Variants in AZGP1 observed in about 807,000 individuals in gnomAD.
AZGP1 encodes the protein alpha-2-glycoprotein 1, zinc-binding.
A neutral mutation model predicts 31.5 loss-of-function variants in AZGP1; 28 were observed. The ratio of observed to expected loss-of-function variants is 0.89; its 90% CI spans 0.66 to 1.22. The LOEUF (loss-of-function observed/expected upper bound fraction) is 1.22, where lower values mean the gene tolerates loss of function less well. Ranked by LOEUF, AZGP1 falls within the 50% of genes most tolerant of loss-of-function variation. The pLI is 0.00. For synonymous variants in AZGP1, 135 were observed against 145.4 expected (o/e 0.93, Z 0.51); for missense variants, 361 against 371.8 (o/e 0.97, Z 0.24).
At position 99,971,715 on chromosome 7, in the gene AZGP1, C is replaced by G. The variant is rs371240012; in HGVS notation, c.337+31G>C. The G allele has an allele frequency of 4.4e-6, 7 of 1,602,222 alleles. No homozygotes were observed. In the African/African-American group the frequency reaches 9.4e-5, roughly 21 times the overall value. The stretch of plus-strand genomic sequence containing the variant: ...GGGGGGGCTGCCTCTTGGGTTAGAC[C>G]TTCCACCCCTGTGGTCTGTTATTCA... On this transcript the variant is annotated intron_variant, in intron 2 of 3. Coordinates refer to ENST00000292401, the MANE Select transcript of AZGP1 (RefSeq NM_001185.4).
chr7:99,966,877 T>TC lies in AZGP1; in HGVS notation c.*125dup, dbSNP rs1789487069. The TC allele has an allele frequency of 6.6e-6, 9 of 1,364,742 alleles. No individual in the cohort carries two copies. The highest frequency in any genetic ancestry group is 2.3e-5 in the East Asian group (1 of 43,338). 84.5% of individuals were successfully genotyped at this position (1,364,742 alleles called of 1,614,324 possible). On this transcript the variant is annotated 3_prime_UTR_variant, in exon 4 of 4. Coordinates refer to ENST00000292401, the MANE Select transcript of AZGP1 (RefSeq NM_001185.4). Reference sequence around the variant, plus strand: ...GGTCTCCAAATCCACCTCCTGTCTGTCCCCCCACACTGCTCCTCAGGCCTT... The same window carrying TC: ...GGTCTCCAAATCCACCTCCTGTCTGTCCCCCCCACACTGCTCCTCAGGCCTT...
chr7:99,968,940 G>A lies in AZGP1; in HGVS notation c.338-510C>T, dbSNP rs371111343. Among the ~76,000 whole-genome samples, 6 of 121,454 alleles carry A rather than the reference G, an allele frequency of 4.9e-5. No individual in the cohort carries two copies. The East Asian group carries it at 1.1e-3, about 22-fold the overall frequency. The allele number at this position is 121,454 out of a possible 152,430, so 79.7% of individuals were successfully genotyped here. A position where few individuals can be genotyped will look rare whatever the true frequency, so the allele number is the denominator to read the frequency against. ...ATCACACTACTGCATTTCAGCCTGG[G>A]TGACAGAGTGAGACCCTATCTCAAA... On this transcript the variant is annotated intron_variant, in intron 2 of 3. Coordinates refer to ENST00000292401, the MANE Select transcript of AZGP1 (RefSeq NM_001185.4).
Position 99,968,663 on chromosome 7 carries a change from C to T in AZGP1, c.338-233G>A, listed in dbSNP as rs1789531115. The T allele has an allele frequency of 7.0e-6, 4 of 573,504 alleles. No homozygotes were observed. The East Asian group carries it at 1.2e-4, about 18-fold the overall frequency. 35.5% of individuals were successfully genotyped at this position (573,504 alleles called of 1,614,324 possible). On this transcript the variant is annotated intron_variant, in intron 2 of 3. Transcript: ENST00000292401. ...GGTTTGTCTCAGATGAGATATGTTC[C>T]TCCTTAAGAGAGCTACAGCCTGGGC...
rs971472140 is a variant in AZGP1, at chr7:99,966,916, CTG to C, written c.*85_*86del. On this transcript the variant is annotated 3_prime_UTR_variant, in exon 4 of 4. Transcript: ENST00000292401. ...TCCTCAGGCCTTGTGGATCCATTGA[CTG>C]TGATTTCTGTGGTTCAGCTCCCACA... 33 of 1,518,050 alleles carry C rather than the reference CTG, an allele frequency of 2.2e-5. No homozygotes were observed. The highest frequency in any genetic ancestry group is 5.6e-5 in the Admixed American group (3 of 53,478). 94.0% of individuals were successfully genotyped at this position (1,518,050 alleles called of 1,614,324 possible).
intron 2 of AZGP1, among the ~76,000 whole-genome samples, chr7:99,969,222 A>G (rs1789542202): frequency 2.6e-5 from 4 of 151,780 alleles, no homozygotes; most frequent in Non-Finnish European, 4.4e-5. Flanking sequence ...CAGCCTGGCC[A>G]ACATGGTAAG....
intron 1 of AZGP1, 128 bp downstream of exon 1, chr7:99,975,817 C>G: frequency 1.0e-6 from 1 of 1,000,830 alleles, no homozygotes; most frequent in Non-Finnish European, 1.6e-6. Context: ...AGTTGACAGC[C>G]TTGGGCACCC....
chr7:99,973,391 C>T (rs80294564), intron 1 of AZGP1, among the ~76,000 whole-genome samples: 72 of 152,164 alleles, frequency 4.7e-4, no homozygotes, highest in Non-Finnish European at 8.8e-4. Context: ...ATGGCAGAAT[C>T]CTAGTTCAAT....
chr7:99,969,697 C>T (rs1789548721), intron 2 of AZGP1, among the ~76,000 whole-genome samples: 1 of 152,160 alleles, frequency 6.6e-6, no homozygotes, highest in African/African-American at 2.4e-5. Context: ...CACAACTACA[C>T]CAAAGTGTAC....
chr7:99,969,160 G>A (rs1476595604), intron 2 of AZGP1, among the ~76,000 whole-genome samples: 1 of 151,940 alleles, frequency 6.6e-6, no homozygotes, highest in Non-Finnish European at 1.5e-5. Context: ...TGTAATCCCA[G>A]CAGTTAGGGA....
At chr7:99,969,130 T>C (rs1366529118) in intron 2 of AZGP1, among the ~76,000 whole-genome samples, 2 of 151,866 alleles carry the variant, frequency 1.3e-5, no homozygotes, top group Non-Finnish European at 2.9e-5. Flanking sequence ...AAAATTAGGC[T>C]GGACGCAGTG....
chr7:99,973,837 G>A (rs1789616721), intron 1 of AZGP1, among the ~76,000 whole-genome samples: 1 of 150,822 alleles, frequency 6.6e-6, no homozygotes, highest in African/African-American at 2.4e-5. Context: ...AATCGCTTAA[G>A]CCCGGGAGGC....
intron 3 of AZGP1, chr7:99,967,666 C>T: frequency 2.4e-6 from 1 of 408,654 alleles, no homozygotes; most frequent in Non-Finnish European, 4.4e-6. Context: ...CACTACGTCT[C>T]CAATCCAAGT....
chr7:99,966,782 G>T lies in AZGP1; in HGVS notation c.*221C>A. On this transcript the variant is annotated 3_prime_UTR_variant, in exon 4 of 4. Transcript: ENST00000292401. ...TTAGCTTCTACAGATTAGACAATGG[G>T]GTGGGGGTGGGCTCAAGGTGAGATG... 4.9e-6 allele frequency: 3 copies of T among 617,286 alleles called. No homozygotes were observed. Among genetic ancestry groups the T allele is most frequent in the Admixed American group, 3.0e-5 (1 of 33,428 alleles). 38.2% of individuals were successfully genotyped at this position (617,286 alleles called of 1,614,324 possible). A position where few individuals can be genotyped will look rare whatever the true frequency, so the allele number is the denominator to read the frequency against.
chr7:99,968,107 C>G lies in AZGP1; in HGVS notation c.613+48G>C, dbSNP rs763024418. Reference sequence around the variant, plus strand: ...GTTGCCTGAGCTCCTAGCCTGAGATCGTCTTTTATTCTGGGCTCAGTACTG... The same window carrying G: ...GTTGCCTGAGCTCCTAGCCTGAGATGGTCTTTTATTCTGGGCTCAGTACTG... On this transcript the variant is annotated intron_variant, in intron 3 of 3. Coordinates refer to ENST00000292401, the MANE Select transcript of AZGP1 (RefSeq NM_001185.4). 4 of 1,605,422 alleles carry G rather than the reference C, an allele frequency of 2.5e-6. No individual in the cohort carries two copies. The South Asian group carries it at 4.4e-5, about 18-fold the overall frequency.
At chr7:99,971,396 A>G (rs913326603) in intron 2 of AZGP1, among the ~76,000 whole-genome samples, 1 of 152,210 alleles carries the variant, frequency 6.6e-6, no homozygotes, top group Non-Finnish European at 1.5e-5. Flanking sequence ...CTCACTCTCC[A>G]GGCAACCTCC....
In AZGP1 at chr7:99,968,254, G is replaced by T. The variant is rs781225199; in HGVS notation, c.514C>A (p.Pro172Thr). 1.5e-5 allele frequency: 25 copies of T among 1,613,682 alleles called. No homozygotes were observed. Among genetic ancestry groups the T allele is most frequent in the Middle Eastern group, 3.3e-4 (2 of 6,082 alleles). The change falls in exon 3 of 4, where the codon CCA becomes ACA. Residue 172 changes from proline to threonine, a missense_variant. Coordinates refer to ENST00000292401, the MANE Select transcript of AZGP1 (RefSeq NM_001185.4). ...QITKQKWEAE[P>T]VYVQRAKAYL... is the part of the protein sequence containing the mutation. ...GCCTTGGCCCGCTGCACGTAGACTG[G>T]TTCTGCCTCCCACTTCTGCTTGGTT...
At chr7:99,975,484 T>TG (rs1205963177) in intron 1 of AZGP1, among the ~76,000 whole-genome samples, 1 of 152,102 alleles carries the variant, frequency 6.6e-6, no homozygotes, top group African/African-American at 2.4e-5. Flanking sequence ...TGTCTGAGTG[T>TG]GGGATTTGGG....
chr7:99,967,952 T>C, intron 3 of AZGP1: 1 of 755,106 alleles, frequency 1.3e-6, no homozygotes, highest in South Asian at 1.7e-5. Flanking sequence ...TCCTGGCCCA[T>C]TCTGCCTGAA....
At chr7:99,975,561 C>T (rs1789647417) in intron 1 of AZGP1, among the ~76,000 whole-genome samples, 1 of 152,140 alleles carries the variant, frequency 6.6e-6, no homozygotes, top group Non-Finnish European at 1.5e-5. Flanking sequence ...TGGGGCTGCT[C>T]TCTCTTTCCC....
Sources: gnomAD v4.1 joint callset for allele counts (sites outside exome capture counted in the v4.1 genomes callset) on GRCh38, gnomAD v4.1.1 for gene constraint, MANE v1.5 for transcripts, NCBI Gene and HGNC (gene_info 2026-07-23, HGNC 2026-07-21) for gene names.